The following SIPA1L2 variants were observed in gnomAD, a reference collection of about 807,000 sequenced individuals.
SIPA1L2 encodes the protein signal-induced proliferation-associated 1-like protein 2.
SIPA1L2 carries 56 observed loss-of-function variants against 163.9 expected under a neutral mutation model. The ratio of observed to expected loss-of-function variants is 0.34; its 90% CI spans 0.28 to 0.43. The LOEUF is 0.43. Among genes scored for constraint, SIPA1L2 ranks in the 20% least tolerant of loss-of-function variants. The probability of loss-of-function intolerance (pLI) is 1.00; values close to 1 mark genes in which losing one functional copy is unlikely to be tolerated. For synonymous variants in SIPA1L2, 877 were observed against 865.7 expected (o/e 1.01, Z -0.23); for missense variants, 1,974 against 2,193.5 (o/e 0.90, Z 2.00).
intron 7 of SIPA1L2, 93 bp from the exon 8 acceptor site, chr1:232,471,621 T>G (rs772651815): frequency 2.2e-4 from 260 of 1,172,138 alleles, no homozygotes; most frequent in Non-Finnish European, 2.8e-4. Context: ...AAGGAGTGAT[T>G]TTTAAAAAGC....
chr1:232,464,022 A>G (rs1664381476), intron 9 of SIPA1L2, among the ~76,000 whole-genome samples: 2 of 152,222 alleles, frequency 1.3e-5, no homozygotes, highest in African/African-American at 4.8e-5. Flanking sequence ...CTCATGATCC[A>G]TAGTGAACTA....
intron 19 of SIPA1L2, among the ~76,000 whole-genome samples, chr1:232,411,991 T>C (rs1357151817): frequency 1.3e-5 from 2 of 152,238 alleles, no homozygotes; most frequent in South Asian, 4.1e-4. Context: ...TGAGTCCTTA[T>C]GCACAGAATA....
intron 2 of SIPA1L2, among the ~76,000 whole-genome samples, chr1:232,560,100 C>G (rs577674539): frequency 6.6e-6 from 1 of 152,300 alleles, no homozygotes; most frequent in South Asian, 2.1e-4. Flanking sequence ...TAACTCAGAA[C>G]AGAAATAGCC....
At chr1:232,543,162 G>GAGACGCAC (rs927406559) in intron 2 of SIPA1L2, among the ~76,000 whole-genome samples, 2 of 152,224 alleles carry the variant, frequency 1.3e-5, no homozygotes, top group Admixed American at 6.5e-5. Flanking sequence ...ATCGAATGAA[G>GAGACGCAC]AGACGCACAG....
At position 232,514,408 on chromosome 1, in the gene SIPA1L2, A is replaced by G; in HGVS notation, c.932T>C (p.Leu311Pro). 2 of 1,614,144 alleles carry G rather than the reference A, an allele frequency of 1.2e-6. No homozygotes were observed. Among genetic ancestry groups the G allele is most frequent in the South Asian group, 2.2e-5 (2 of 91,092 alleles). ...GCCCCTCTCCAGTCGGCTCTCCTCC[A>G]GCTCAGACGTGAACTTGAAAGTTTC... is the stretch of plus-strand genomic sequence containing the variant. ...EHETFKFTSELEESRLERGIR... is the reference protein window; with the variant it reads ...EHETFKFTSEPEESRLERGIR... Residue 311 changes from leucine (L) to proline (P), a missense_variant, in exon 3 of 23, where the codon CTG (leucine) becomes CCG (proline). Leu to Pro is a moderately conservative substitution (Grantham distance 98). This residue lies in a region of SIPA1L2 where 607 missense variants were observed against 624.0 expected (regional missense o/e 0.97). Transcript: ENST00000674635.
intron 5 of SIPA1L2, among the ~76,000 whole-genome samples, chr1:232,488,173 G>C (rs1438873492): frequency 6.6e-6 from 1 of 152,072 alleles, no homozygotes; most frequent in Non-Finnish European, 1.5e-5. Flanking sequence ...GGCTGGTCTT[G>C]AACTCTTGAC....
chr1:232,515,469 G>T lies in SIPA1L2; in HGVS notation c.-130C>A. ...TGTAGTTGTATTTTTTCTTTTCTTA[G>T]CCCAAAGCAAACAACATCCTCAGAA... On this transcript the variant is annotated 5_prime_UTR_variant, in exon 3 of 23. Transcript: ENST00000674635. The T allele has an allele frequency of 1.0e-6, 1 of 998,522 alleles. No homozygotes were observed. The highest frequency in any genetic ancestry group is 1.4e-6 in the Non-Finnish European group (1 of 712,952). The allele number at this position is 998,522 out of a possible 1,614,324, so 61.9% of individuals were successfully genotyped here. A position where few individuals can be genotyped will look rare whatever the true frequency, so the allele number is the denominator to read the frequency against.
At chr1:232,585,626 G>T (rs983528731) in intron 1 of SIPA1L2, among the ~76,000 whole-genome samples, 2 of 152,124 alleles carry the variant, frequency 1.3e-5, no homozygotes, top group Non-Finnish European at 2.9e-5. Context: ...CATGTAAAAG[G>T]GTAAAGTAGA....
chr1:232,441,729 G>A (rs908859693), intron 13 of SIPA1L2, 39 bp downstream of exon 13: 3 of 1,536,496 alleles, frequency 2.0e-6, no homozygotes, highest in African/African-American at 1.4e-5. Flanking sequence ...GGGGGAAAGG[G>A]GGAGCAAGGG....
intron 2 of SIPA1L2, among the ~76,000 whole-genome samples, chr1:232,537,152 C>T (rs1215400586): frequency 6.6e-6 from 1 of 152,068 alleles, no homozygotes; most frequent in Non-Finnish European, 1.5e-5. Flanking sequence ...GGGAGGATCA[C>T]CTGAGACCTG....
intron 2 of SIPA1L2, among the ~76,000 whole-genome samples, chr1:232,544,109 C>A (rs1308595015): frequency 8.6e-6 from 1 of 115,834 alleles, no homozygotes; most frequent in East Asian, 2.2e-4. Flanking sequence ...TATTTATGTA[C>A]CCCCCAACAG....
intron 18 of SIPA1L2, among the ~76,000 whole-genome samples, chr1:232,421,835 A>G (rs1661593224): frequency 6.6e-6 from 1 of 152,248 alleles, no homozygotes; most frequent in Admixed American, 6.5e-5. Flanking sequence ...GGTCAGAACT[A>G]TAGGATTTGA....
chr1:232,399,588 G>A (rs1470404364), intron 22 of SIPA1L2, among the ~76,000 whole-genome samples: 4 of 151,980 alleles, frequency 2.6e-5, no homozygotes, highest in Non-Finnish European at 4.4e-5. Flanking sequence ...ACTACAGGGA[G>A]GTTAAAGGTA....
intron 19 of SIPA1L2, among the ~76,000 whole-genome samples, chr1:232,408,214 A>G (rs369599997): frequency 1.1e-4 from 16 of 152,308 alleles, no homozygotes; most frequent in Admixed American, 6.5e-4. Flanking sequence ...CCAGCTTTTC[A>G]AACTTGACCT....
chr1:232,513,632 A>G (rs1015821211), intron 3 of SIPA1L2, among the ~76,000 whole-genome samples: 7 of 152,226 alleles, frequency 4.6e-5, no homozygotes, highest in African/African-American at 1.7e-4. Context: ...AAGGGCATTT[A>G]CACATTAAGG....
intron 3 of SIPA1L2, 54 bp downstream of exon 3, chr1:232,513,803 G>A: frequency 6.6e-7 from 1 of 1,511,708 alleles, no homozygotes; most frequent in Non-Finnish European, 8.8e-7. Flanking sequence ...ATTGTGACTG[G>A]TTCTTAAAAA....
At chr1:232,551,520 G>A (rs1402217843) in intron 2 of SIPA1L2, among the ~76,000 whole-genome samples, 1 of 152,188 alleles carries the variant, frequency 6.6e-6, no homozygotes, top group African/African-American at 2.4e-5. Context: ...AGGACAATAT[G>A]TCAAACTGAC....
intron 2 of SIPA1L2, among the ~76,000 whole-genome samples, chr1:232,515,928 C>T (rs910500776): frequency 1.6e-4 from 24 of 152,212 alleles, no homozygotes; most frequent in African/African-American, 5.8e-4. Flanking sequence ...TTCCTTATCT[C>T]TAATTGCTGT....
At chr1:232,491,911 C>G (rs1052549763) in intron 4 of SIPA1L2, among the ~76,000 whole-genome samples, 1 of 152,188 alleles carries the variant, frequency 6.6e-6, no homozygotes, top group Non-Finnish European at 1.5e-5. Flanking sequence ...CCCCTAGCCA[C>G]ATCAACTATT....
Sources: gnomAD v4.1 joint callset for allele counts (sites outside exome capture counted in the v4.1 genomes callset) on GRCh38, gnomAD v4.1.1 for gene constraint, gnomAD v4.1.1 regional missense constraint, MANE v1.5 for transcripts, NCBI Gene and HGNC (gene_info 2026-07-23, HGNC 2026-07-21) for gene names.